The following NDUFAF7 variants were observed in gnomAD, a reference collection of about 807,000 sequenced individuals.
NDUFAF7 encodes the protein NADH:ubiquinone oxidoreductase complex assembly factor 7.
A neutral mutation model predicts 47.2 loss-of-function variants in NDUFAF7; 48 were observed. The observed-to-expected ratio is 1.02, with a 90% CI of 0.81 to 1.29. The LOEUF (loss-of-function observed/expected upper bound fraction) is 1.29, where lower values mean the gene tolerates loss of function less well. NDUFAF7 is among the 50% of genes most tolerant of loss of function. The pLI, the probability that NDUFAF7 is intolerant of heterozygous loss-of-function variation, is 0.00. For missense variants in NDUFAF7, 635 were observed against 537.6 expected, an observed-to-expected ratio of 1.18 and a Z score of -1.79; for synonymous variants, 217 against 190.0, an observed-to-expected ratio of 1.14 and a Z score of -1.17.
chr2:37,231,930 T>A, intron 1 of NDUFAF7, 170 bp downstream of exon 1: 1 of 1,595,398 alleles, frequency 6.3e-7, no homozygotes, highest in Non-Finnish European at 8.5e-7. Flanking sequence ...GGCTGCGTAG[T>A]CGTGGGCAAG....
chr2:37,253,240 G>A (rs1248027972), downstream of NDUFAF7: 10 of 1,612,584 alleles, frequency 6.2e-6, no homozygotes, highest in Non-Finnish European at 8.5e-6. Context: ...GGTATACAAG[G>A]TTATGTGTGT....
chr2:37,261,253 G>A, the NDUFAF7 span, among the ~76,000 whole-genome samples: 30 of 150,710 alleles, frequency 2.0e-4, no homozygotes, highest in Admixed American at 3.3e-4. Flanking sequence ...TTGGGAAGCC[G>A]AGGCAGGTGG....
At chr2:37,235,620 A>T (rs571391782) in intron 2 of NDUFAF7, among the ~76,000 whole-genome samples, 1 of 147,662 alleles carries the variant, frequency 6.8e-6, no homozygotes, top group African/African-American at 2.5e-5. Context: ...ATTTGGGTAA[A>T]GACACCATAT....
At chr2:37,256,249 A>T (rs186986392), downstream of NDUFAF7, among the ~76,000 whole-genome samples, 15 of 152,242 alleles carry the variant, frequency 9.9e-5, no homozygotes, top group Admixed American at 9.8e-4. Flanking sequence ...GCTAGAAGGT[A>T]AGCATGGACC....
intron 8 of NDUFAF7, among the ~76,000 whole-genome samples, chr2:37,247,054 T>C (rs1182187730): frequency 6.6e-6 from 1 of 152,054 alleles, no homozygotes; most frequent in Admixed American, 6.5e-5. Flanking sequence ...CCTCCTCCTG[T>C]CTCCCCTCTA....
chr2:37,252,404 A>G (rs1667568821), downstream of NDUFAF7: 1 of 152,208 alleles, frequency 6.6e-6, no homozygotes, highest in African/African-American at 2.4e-5. Context: ...ATGCAAAGAC[A>G]TACAACTCAG....
At chr2:37,242,780 A>G (rs1057135184) in intron 6 of NDUFAF7, 87 bp downstream of exon 6, 3 of 1,050,800 alleles carry the variant, frequency 2.9e-6, no homozygotes, top group Admixed American at 4.7e-5. Context: ...TCAGTATACA[A>G]ATTTTACTTG....
At chr2:37,250,561 G>C (rs908294378), downstream of NDUFAF7, 1 of 151,980 alleles carries the variant, frequency 6.6e-6, no homozygotes. Context: ...AAAAAAATCA[G>C]TGTTTTTAAA....
intron 7 of NDUFAF7, 70 bp downstream of exon 7, chr2:37,244,043 T>G: frequency 2.3e-6 from 3 of 1,302,960 alleles, no homozygotes; most frequent in Middle Eastern, 2.0e-4. Context: ...TCTGAGTTAC[T>G]ACTTTAGAGT....
chr2:37,235,213 T>C (rs1665627908), intron 2 of NDUFAF7, among the ~76,000 whole-genome samples: 1 of 149,512 alleles, frequency 6.7e-6, no homozygotes, highest in Non-Finnish European at 1.5e-5. Context: ...GGGAGAAGGG[T>C]GAGGATTTGC....
chr2:37,256,835 A>C, downstream of NDUFAF7: 1 of 1,613,970 alleles, frequency 6.2e-7, no homozygotes, highest in Non-Finnish European at 8.5e-7. Context: ...GCTCCGGAGA[A>C]CTTCAGGGGC....
At chr2:37,245,985 G>GA in intron 7 of NDUFAF7, 67 bp from the exon 8 acceptor site, 1 of 1,564,408 alleles carries the variant, frequency 6.4e-7, no homozygotes, top group Non-Finnish European at 8.7e-7. Context: ...GGAAAAACCT[G>GA]AAAAACCGTA....
the NDUFAF7 span, chr2:37,260,391 A>G: frequency 2.8e-4 from 449 of 1,606,302 alleles, 2 homozygotes; most frequent in African/African-American, 5.3e-3. Flanking sequence ...AATTCTGAAG[A>G]GAGGTTGCAA....
At chr2:37,270,335 C>G in the NDUFAF7 span, among the ~76,000 whole-genome samples, 3 of 135,282 alleles carry the variant, frequency 2.2e-5, no homozygotes, top group Middle Eastern at 3.5e-3. Flanking sequence ...AGGAGATTTG[C>G]TCTCATTGAT....
At chr2:37,253,790 T>G (rs1667710007), downstream of NDUFAF7, among the ~76,000 whole-genome samples, 1 of 152,212 alleles carries the variant, frequency 6.6e-6, no homozygotes, top group Admixed American at 6.5e-5. Flanking sequence ...GTTCTAAAGC[T>G]TCCCTCCTTA....
At chr2:37,254,158 A>G (rs1344962112), downstream of NDUFAF7, 2 of 1,391,070 alleles carry the variant, frequency 1.4e-6, no homozygotes, top group Non-Finnish European at 2.0e-6. Context: ...ATCAGAGTGA[A>G]CTACTCAAAT....
chr2:37,236,305 T>G, intron 3 of NDUFAF7, 129 bp downstream of exon 3: 3 of 813,486 alleles, frequency 3.7e-6, no homozygotes, highest in Admixed American at 4.0e-5. Flanking sequence ...TTATAGTAGT[T>G]TATGTACTGA....
At chr2:37,232,348 C>G in intron 2 of NDUFAF7, 82 bp downstream of exon 2, 2 of 1,569,744 alleles carry the variant, frequency 1.3e-6, no homozygotes, top group Non-Finnish European at 1.8e-6. Flanking sequence ...CCCGAAGGTT[C>G]TCAGCCCAGG....
chr2:37,243,632 A>G (rs1666591584), intron 6 of NDUFAF7, among the ~76,000 whole-genome samples: 1 of 152,104 alleles, frequency 6.6e-6, no homozygotes, highest in African/African-American at 2.4e-5. Flanking sequence ...GGTACTTTCC[A>G]TGCTGCTGAT....
Sources: allele counts gnomAD v4.1 joint callset (sites outside exome capture counted in the v4.1 genomes callset), GRCh38; gene constraint gnomAD v4.1.1; transcripts MANE v1.5; gene names NCBI Gene and HGNC (gene_info 2026-07-23, HGNC 2026-07-21).